The following KCNN2 variants were observed in gnomAD, a reference collection of about 807,000 sequenced individuals.
KCNN2 encodes the protein potassium calcium-activated channel subfamily N member 2.
A neutral mutation model predicts 55.5 loss-of-function variants in KCNN2; 24 were observed. The ratio of observed to expected loss-of-function variants is 0.43; its 90% CI spans 0.31 to 0.61. KCNN2 has a LOEUF of 0.61. Ranked by LOEUF, KCNN2 falls within the 20% of genes least tolerant of loss-of-function variation. The pLI is 0.08. For missense variants in KCNN2, 754 were observed against 853.6 expected (o/e 0.88, Z 1.45); for synonymous variants, 431 against 336.1 (o/e 1.28, Z -3.09).
chr5:114,079,138 C>G (rs998025803), intron 1 of KCNN2, among the ~76,000 whole-genome samples: 1 of 152,070 alleles, frequency 6.6e-6, no homozygotes, highest in African/African-American at 2.4e-5. Flanking sequence ...TCACAAATTT[C>G]CTGGGTAAAA....
intron 1 of KCNN2, among the ~76,000 whole-genome samples, chr5:114,092,169 T>C (rs1315170763): frequency 2.0e-5 from 3 of 152,172 alleles, no homozygotes; most frequent in African/African-American, 7.2e-5. Context: ...GGTACAGGCA[T>C]TGGGTAAATG....
At chr5:114,284,837 C>CT (rs1448815320) in intron 2 of KCNN2, among the ~76,000 whole-genome samples, 1 of 151,956 alleles carries the variant, frequency 6.6e-6, no homozygotes, top group Admixed American at 6.6e-5. Flanking sequence ...CATTTCTGAT[C>CT]TTGTTGACCT....
chr5:114,383,614 G>A (rs545315554), intron 2 of KCNN2, among the ~76,000 whole-genome samples: 4 of 152,082 alleles, frequency 2.6e-5, no homozygotes, highest in South Asian at 2.1e-4. Context: ...GATTACAGGC[G>A]GGCGCAGCCA....
intron 1 of KCNN2, among the ~76,000 whole-genome samples, chr5:114,124,476 T>C (rs1051375757): frequency 1.1e-4 from 17 of 152,130 alleles, no homozygotes; most frequent in Non-Finnish European, 2.2e-4. Flanking sequence ...CTGCCCCCCC[T>C]GGAATTTCCT....
At chr5:114,101,606 C>T (rs886071708) in intron 1 of KCNN2, among the ~76,000 whole-genome samples, 3 of 151,366 alleles carry the variant, frequency 2.0e-5, no homozygotes, top group African/African-American at 7.3e-5. Flanking sequence ...CCTAACAGGT[C>T]CCAATGTGTG....
intron 3 of KCNN2, among the ~76,000 whole-genome samples, chr5:114,440,745 T>C (rs2150094376): frequency 6.6e-6 from 1 of 152,174 alleles, no homozygotes; most frequent in South Asian, 2.1e-4. Context: ...AAGTTATAAG[T>C]ATAACCTGTA....
At chr5:114,125,075 C>A (rs1250978040) in intron 1 of KCNN2, among the ~76,000 whole-genome samples, 1 of 152,134 alleles carries the variant, frequency 6.6e-6, no homozygotes, top group Non-Finnish European at 1.5e-5. Context: ...AAAACCTCAA[C>A]TAAAAGGGGC....
intron 1 of KCNN2, among the ~76,000 whole-genome samples, chr5:114,161,219 ATTTG>A (rs201292417): frequency 0.031 from 4,685 of 152,098 alleles, 246 homozygotes; most frequent in African/African-American, 0.11. Context: ...AAATCTCAGC[ATTTG>A]TTTGTCTGTA....
chr5:114,316,735 C>A (rs144648455), intron 2 of KCNN2, among the ~76,000 whole-genome samples: 5 of 152,258 alleles, frequency 3.3e-5, no homozygotes, highest in Non-Finnish European at 7.4e-5. Context: ...TAATACATAT[C>A]GCTATCTAGT....
In KCNN2 at chr5:114,376,238, A is replaced by G. The variant is rs559911319; in HGVS notation, c.1218+12237A>G. ...GTATCCATCAAATGTGTCTTATACA[A>G]GTAGCCACAGAAGGAAAGGGGACAT... On this transcript the variant is annotated intron_variant, in intron 2 of 7. Transcript: ENST00000673685. 1.5e-3 allele frequency among the ~76,000 whole-genome samples: 221 copies of G among 152,226 alleles called. 1 individual carries two copies. Among genetic ancestry groups the G allele is most frequent in the African/African-American group, 5.0e-3 (208 of 41,536 alleles).
chr5:114,489,236 G>A (rs1327942190), intron 6 of KCNN2, among the ~76,000 whole-genome samples: 1 of 151,922 alleles, frequency 6.6e-6, no homozygotes, highest in Non-Finnish European at 1.5e-5. Flanking sequence ...AGAATTTAGG[G>A]GTTTTTACCG....
chr5:114,181,201 C>T (rs771305680), intron 1 of KCNN2, among the ~76,000 whole-genome samples: 7 of 152,108 alleles, frequency 4.6e-5, no homozygotes, highest in Non-Finnish European at 7.4e-5. Flanking sequence ...AAATGCCAAC[C>T]ATTTTTCCAA....
intron 1 of KCNN2, among the ~76,000 whole-genome samples, chr5:114,216,453 A>C (rs1248818744): frequency 6.6e-6 from 1 of 152,166 alleles, no homozygotes; most frequent in Non-Finnish European, 1.5e-5. Context: ...ATTATGAGGC[A>C]TCTCACAATG....
chr5:114,383,050 G>A (rs1758173637), intron 2 of KCNN2, among the ~76,000 whole-genome samples: 1 of 152,130 alleles, frequency 6.6e-6, no homozygotes, highest in Admixed American at 6.5e-5. Flanking sequence ...TCAAGGGAGG[G>A]GGGTGCAAAT....
At chr5:114,447,413 T>C (rs1760460701) in intron 3 of KCNN2, among the ~76,000 whole-genome samples, 1 of 152,238 alleles carries the variant, frequency 6.6e-6, no homozygotes, top group Admixed American at 6.5e-5. Flanking sequence ...GAAGGAAATG[T>C]CTCTGGGTTT....
chr5:114,090,318 A>G (rs1047673915), intron 1 of KCNN2, among the ~76,000 whole-genome samples: 13 of 152,148 alleles, frequency 8.5e-5, no homozygotes, highest in Non-Finnish European at 1.5e-4. Flanking sequence ...GGCACACTCA[A>G]GATAACATAG....
chr5:114,180,755 C>A (rs997906514), intron 1 of KCNN2, among the ~76,000 whole-genome samples: 2 of 152,134 alleles, frequency 1.3e-5, no homozygotes, highest in African/African-American at 4.8e-5. Flanking sequence ...CTATAGCCAT[C>A]ACTGCAAAAA....
rs372236088 is a variant in KCNN2, at chr5:114,248,532, A to G, written c.-185+26967A>G. ...CCAGCTACTAAATACTTCTTTTTTT[A>G]TAAGTTTGCATTACTTTTGCAAGAA... On this transcript the variant is annotated intron_variant, in intron 2 of 10. Coordinates refer to the KCNN2 transcript ENST00000512097. 7.0e-5 allele frequency among the ~76,000 whole-genome samples: 10 copies of G among 143,586 alleles called. No individual in the cohort carries two copies. The South Asian group carries it at 1.4e-3, about 20-fold the overall frequency. The allele number at this position is 143,586 out of a possible 152,430, so 94.2% of individuals were successfully genotyped here. A position where few individuals can be genotyped will look rare whatever the true frequency, so the allele number is the denominator to read the frequency against.
intron 2 of KCNN2, among the ~76,000 whole-genome samples, chr5:114,291,698 A>G (rs1454157385): frequency 4.6e-5 from 7 of 152,234 alleles, no homozygotes; most frequent in Non-Finnish European, 8.8e-5. Context: ...TCCTTTGGGT[A>G]TATACCCAGT....
Sources: gnomAD v4.1 joint callset for allele counts (sites outside exome capture counted in the v4.1 genomes callset) on GRCh38, gnomAD v4.1.1 for gene constraint, MANE v1.5 for transcripts, NCBI Gene and HGNC (gene_info 2026-07-23, HGNC 2026-07-21) for gene names.